GALNT13: variants seen among roughly 807,000 people sequenced by gnomAD.
The protein encoded by GALNT13 is polypeptide N-acetylgalactosaminyltransferase 13, also known as UDP-GalNAc:polypeptide N-acetylgalactosaminyltransferase 13.
A neutral mutation model predicts 64.2 loss-of-function variants in GALNT13; 28 were observed. That is an observed-to-expected ratio of 0.44 (90% CI 0.32 to 0.60). The LOEUF (loss-of-function observed/expected upper bound fraction) is 0.60. Ranked by LOEUF, GALNT13 falls within the 20% of genes least tolerant of loss-of-function variation. The probability of loss-of-function intolerance (pLI) is 0.05; values close to 1 mark genes in which losing one functional copy is unlikely to be tolerated. For missense variants in GALNT13, 577 were observed against 669.8 expected (o/e 0.86, Z 1.53); for synonymous variants, 214 against 224.6 (o/e 0.95, Z 0.42).
chr2:153,944,360 A>C, intron 2 of GALNT13, 34 bp from the exon 3 acceptor site: 1 of 675,114 alleles, frequency 1.5e-6, no homozygotes, highest in Non-Finnish European at 2.5e-6. Context: ...CTATGTGTAC[A>C]ATTAATGAAA....
At chr2:153,241,979 C>A in the GALNT13 span, among the ~76,000 whole-genome samples, 1 of 151,986 alleles carries the variant, frequency 6.6e-6, no homozygotes, top group Non-Finnish European at 1.5e-5. Context: ...TGTTTTGTGT[C>A]CTTAAGAGCT....
chr2:153,195,113 T>G, the GALNT13 span, among the ~76,000 whole-genome samples: 2 of 152,034 alleles, frequency 1.3e-5, no homozygotes, highest in Admixed American at 6.6e-5. Context: ...GGTGTGTGAG[T>G]CCTTTCGTCC....
the GALNT13 span, among the ~76,000 whole-genome samples, chr2:153,589,044 C>T: frequency 2.2e-4 from 33 of 152,106 alleles, no homozygotes; most frequent in African/African-American, 4.6e-4. Context: ...CCCCGCTACT[C>T]GGGAGGCTGA....
chr2:153,588,285 CTG>C, the GALNT13 span, among the ~76,000 whole-genome samples: 1 of 152,226 alleles, frequency 6.6e-6, no homozygotes, highest in Non-Finnish European at 1.5e-5. Flanking sequence ...AGTAAATACT[CTG>C]TGTGGGGTCT....
At chr2:153,267,684 T>C in the GALNT13 span, among the ~76,000 whole-genome samples, 1 of 152,212 alleles carries the variant, frequency 6.6e-6, no homozygotes, top group Non-Finnish European at 1.5e-5. Flanking sequence ...GAGAGGATAC[T>C]GTGAAGATCT....
At chr2:153,227,564 A>AT in the GALNT13 span, among the ~76,000 whole-genome samples, 3 of 152,158 alleles carry the variant, frequency 2.0e-5, no homozygotes, top group Non-Finnish European at 2.9e-5. Flanking sequence ...CTCCATAGCT[A>AT]TTTTTTTAAA....
At chr2:153,709,496 G>A in the GALNT13 span, among the ~76,000 whole-genome samples, 1 of 152,060 alleles carries the variant, frequency 6.6e-6, no homozygotes, top group East Asian at 1.9e-4. Context: ...GATAGCGAGT[G>A]TTGGTCAGGA....
At chr2:153,468,906 A>G in the GALNT13 span, among the ~76,000 whole-genome samples, 1 of 152,114 alleles carries the variant, frequency 6.6e-6, no homozygotes, top group African/African-American at 2.4e-5. Context: ...TGAGACTACC[A>G]AACACTGACT....
At chr2:153,647,384 G>C in the GALNT13 span, among the ~76,000 whole-genome samples, 3 of 152,096 alleles carry the variant, frequency 2.0e-5, no homozygotes, top group African/African-American at 7.2e-5. Flanking sequence ...CAGATGAGTA[G>C]ATTGCAAAAA....
At chr2:154,076,279 ATAGT>A (rs1157047709) in intron 3 of GALNT13, among the ~76,000 whole-genome samples, 1 of 151,776 alleles carries the variant, frequency 6.6e-6, no homozygotes, top group African/African-American at 2.4e-5. Context: ...AAGAATTCAA[ATAGT>A]TAAACACATC....
chr2:153,284,341 A>G, the GALNT13 span, among the ~76,000 whole-genome samples: 1 of 152,266 alleles, frequency 6.6e-6, no homozygotes, highest in East Asian at 1.9e-4. Context: ...CTGTTGAGGC[A>G]CTTTCCACAA....
chr2:153,105,218 A>G, the GALNT13 span, among the ~76,000 whole-genome samples: 12 of 151,934 alleles, frequency 7.9e-5, no homozygotes, highest in South Asian at 2.1e-4. Flanking sequence ...CTGGTTCAAC[A>G]TATGAAAATC....
the GALNT13 span, among the ~76,000 whole-genome samples, chr2:153,667,923 G>C: frequency 4.0e-5 from 6 of 151,866 alleles, no homozygotes; most frequent in African/African-American, 1.5e-4. Flanking sequence ...AATAAAGAGA[G>C]AAAAATCTAC....
At chr2:153,780,340 G>T in the GALNT13 span, among the ~76,000 whole-genome samples, 916 of 149,906 alleles carry the variant, frequency 6.1e-3, 8 homozygotes, top group African/African-American at 0.021. Flanking sequence ...CCTACTTCTG[G>T]AACCACTAAA....
At chr2:154,252,360 A>ATTT (rs34869227) in intron 7 of GALNT13, among the ~76,000 whole-genome samples, 2 of 144,160 alleles carry the variant, frequency 1.4e-5, no homozygotes, top group Non-Finnish European at 1.5e-5. Flanking sequence ...TATTATTATT[A>ATTT]TTTTTTTTTT....
At chr2:153,971,933 G>A (rs1444162498) in intron 3 of GALNT13, among the ~76,000 whole-genome samples, 1 of 152,064 alleles carries the variant, frequency 6.6e-6, no homozygotes, top group Non-Finnish European at 1.5e-5. Context: ...ATTAGAGTAG[G>A]CTCTAAATCC....
chr2:153,482,368 T>C, the GALNT13 span, among the ~76,000 whole-genome samples: 1 of 152,208 alleles, frequency 6.6e-6, no homozygotes, highest in South Asian at 2.1e-4. Flanking sequence ...AGACATTTAA[T>C]ATAGAGACAA....
At chr2:154,201,479 C>A (rs538122526) in intron 4 of GALNT13, among the ~76,000 whole-genome samples, 1 of 152,054 alleles carries the variant, frequency 6.6e-6, no homozygotes, top group Admixed American at 6.6e-5. Flanking sequence ...ACATTAGTAA[C>A]GATGACACAC....
the GALNT13 span, among the ~76,000 whole-genome samples, chr2:153,377,221 G>A: frequency 2.3e-3 from 343 of 152,224 alleles, 2 homozygotes; most frequent in African/African-American, 7.9e-3. Flanking sequence ...AGGCCTTAGA[G>A]AAATCAACCT....
Sources: gnomAD v4.1 joint callset for allele counts (sites outside exome capture counted in the v4.1 genomes callset) on GRCh38, gnomAD v4.1.1 for gene constraint, MANE v1.5 for transcripts, NCBI Gene and HGNC (gene_info 2026-07-23, HGNC 2026-07-21) for gene names.